Variants in KCNG3 observed in about 807,000 individuals in gnomAD.
The protein encoded by KCNG3 is voltage-gated potassium channel regulatory subunit KCNG3.
Under a neutral mutation model 29.0 loss-of-function variants are expected in KCNG3, and 15 were observed. The observed-to-expected ratio is 0.52, with a 90% CI of 0.35 to 0.80. The LOEUF is 0.80. Ranked by LOEUF, KCNG3 falls within the 30% of genes least tolerant of loss-of-function variation. The pLI is 0.01. For synonymous variants in KCNG3, 322 were observed against 248.9 expected, an observed-to-expected ratio of 1.29 and a Z score of -2.76; for missense variants, 512 against 605.7, an observed-to-expected ratio of 0.85 and a Z score of 1.62.
intron 1 of KCNG3, among the ~76,000 whole-genome samples, chr2:42,473,395 G>A (rs1014623802): frequency 1.3e-5 from 2 of 150,542 alleles, no homozygotes; most frequent in African/African-American, 4.9e-5. Context: ...TGTCTCCCAT[G>A]GTGGAGTTCA....
At chr2:42,404,975 C>CA in the KCNG3 span, among the ~76,000 whole-genome samples, 49 of 152,228 alleles carry the variant, frequency 3.2e-4, no homozygotes, top group Admixed American at 6.5e-4. Context: ...AGTTTGGCAG[C>CA]AAAAAAAGTC....
the KCNG3 span, among the ~76,000 whole-genome samples, chr2:42,418,038 A>C: frequency 6.6e-6 from 1 of 151,938 alleles, no homozygotes; most frequent in East Asian, 1.9e-4. Flanking sequence ...CTGACACAAA[A>C]TCACCATTTT....
At chr2:42,419,327 T>G in the KCNG3 span, among the ~76,000 whole-genome samples, 2 of 139,032 alleles carry the variant, frequency 1.4e-5, no homozygotes, top group African/African-American at 5.3e-5. Context: ...AACCTCTGCC[T>G]CCTGGGTTCA....
the KCNG3 span, among the ~76,000 whole-genome samples, chr2:42,425,539 C>G: frequency 6.6e-6 from 1 of 151,724 alleles, no homozygotes; most frequent in Admixed American, 6.6e-5. Flanking sequence ...ACTAGGAGAA[C>G]TGAAAGCGGC....
At chr2:42,472,730 C>T (rs1283428495) in intron 1 of KCNG3, among the ~76,000 whole-genome samples, 1 of 151,488 alleles carries the variant, frequency 6.6e-6, no homozygotes, top group Non-Finnish European at 1.5e-5. Context: ...AAACTATTGG[C>T]CTCAGGTGAT....
the KCNG3 span, among the ~76,000 whole-genome samples, chr2:42,408,621 G>C: frequency 6.6e-6 from 1 of 152,146 alleles, no homozygotes; most frequent in African/African-American, 2.4e-5. Context: ...GCTGCCCCCT[G>C]TGGTAGACTG....
intron 1 of KCNG3, among the ~76,000 whole-genome samples, chr2:42,481,742 G>A (rs895752239): frequency 2.6e-5 from 4 of 151,768 alleles, no homozygotes; most frequent in Non-Finnish European, 5.9e-5. Flanking sequence ...AGACATATCC[G>A]CCTCAGGGAT....
rs1380252996 is a variant in KCNG3 at position 42,493,095 on chromosome 2, C to A, written c.407G>T (p.Gly136Val). 2.5e-6 allele frequency: 4 copies of A among 1,579,732 alleles called. No individual in the cohort carries two copies. The highest frequency in any genetic ancestry group is 1.1e-5 in the South Asian group (1 of 87,810). Residue 136 changes from glycine (G) to valine (V), a missense_variant, in exon 1 of 2, where the codon GGC becomes GTC. Around this residue, in one of 5 missense-constraint regions of KCNG3, gnomAD observed 228 missense variants for 200.0 expected, o/e 1.14. Coordinates refer to ENST00000306078, the MANE Select transcript of KCNG3 (RefSeq NM_133329.6). ...CCCGCCGGGGCGCGCCTCGTCGCGGCCCAGCACGCCCGGCTCGTCGGCCGA... is the reference window on the plus strand; with the variant it reads ...CCCGCCGGGGCGCGCCTCGTCGCGGACCAGCACGCCCGGCTCGTCGGCCGA... ...FYSADEPGVL[G>V]RDEARPGGAE...
At chr2:42,467,540 T>G (rs890247766) in intron 1 of KCNG3, among the ~76,000 whole-genome samples, 3 of 150,354 alleles carry the variant, frequency 2.0e-5, no homozygotes, top group African/African-American at 7.4e-5. Context: ...TGGTGGCACA[T>G]GCCTGTAATC....
chr2:42,441,829 TCTC>T (rs1262798692), downstream of KCNG3, among the ~76,000 whole-genome samples: 2 of 14,800 alleles, frequency 1.4e-4, no homozygotes, highest in African/African-American at 3.0e-4. Context: ...GGTATATGCT[TCTC>T]CTCGTCTCTT....
intron 1 of KCNG3, among the ~76,000 whole-genome samples, chr2:42,477,384 T>TACACACACACACACACACACACACACAC: frequency 9.8e-6 from 1 of 101,920 alleles, no homozygotes; most frequent in East Asian, 4.0e-4. Flanking sequence ...CACACACATA[T>TACACACACACACACACACACACACACAC]ATATACACAC....
the KCNG3 span, among the ~76,000 whole-genome samples, chr2:42,389,753 G>C: frequency 2.6e-4 from 40 of 152,160 alleles, no homozygotes; most frequent in Non-Finnish European, 4.6e-4. Context: ...CATTTCACCA[G>C]TTTTTTCCAC....
At chr2:42,471,457 G>C (rs1025859870) in intron 1 of KCNG3, among the ~76,000 whole-genome samples, 1 of 152,088 alleles carries the variant, frequency 6.6e-6, no homozygotes, top group South Asian at 2.1e-4. Flanking sequence ...CAAATCCATG[G>C]AGATAGATAG....
the KCNG3 span, among the ~76,000 whole-genome samples, chr2:42,400,754 A>C: frequency 5.0e-3 from 758 of 152,254 alleles, 5 homozygotes; most frequent in African/African-American, 0.017. Flanking sequence ...ATCCAGGAGC[A>C]AAAAAAGATT....
the KCNG3 span, among the ~76,000 whole-genome samples, chr2:42,417,761 A>G: frequency 6.6e-6 from 1 of 151,912 alleles, no homozygotes; most frequent in East Asian, 2.0e-4. Context: ...TCATGAGGTC[A>G]GGAGTTTGAG....
At chr2:42,457,203 G>C (rs1303804433) in intron 1 of KCNG3, among the ~76,000 whole-genome samples, 1 of 152,058 alleles carries the variant, frequency 6.6e-6, no homozygotes, top group Non-Finnish European at 1.5e-5. Context: ...ATTGACTAGT[G>C]GCCAAGTGCG....
At chr2:42,429,853 C>T in the KCNG3 span, among the ~76,000 whole-genome samples, 1 of 152,084 alleles carries the variant, frequency 6.6e-6, no homozygotes, top group Non-Finnish European at 1.5e-5. Context: ...AGAAACAATG[C>T]GGGTGAGAGT....
At chr2:42,452,065 AC>A (rs1419288573) in intron 1 of KCNG3, among the ~76,000 whole-genome samples, 2 of 151,904 alleles carry the variant, frequency 1.3e-5, no homozygotes, top group Non-Finnish European at 2.9e-5. Context: ...AAAAAAATCA[AC>A]CCAACTAAAA....
At chr2:42,395,592 G>T in the KCNG3 span, among the ~76,000 whole-genome samples, 3 of 152,252 alleles carry the variant, frequency 2.0e-5, no homozygotes, top group Admixed American at 6.5e-5. Context: ...CATAAGCACT[G>T]GTGCTCCTTG....
Sources: gnomAD v4.1 joint callset for allele counts (sites outside exome capture counted in the v4.1 genomes callset) on GRCh38, gnomAD v4.1.1 for gene constraint, gnomAD v4.1.1 regional missense constraint, MANE v1.5 for transcripts, NCBI Gene and HGNC (gene_info 2026-07-23, HGNC 2026-07-21) for gene names.